FARP1: variants seen among roughly 807,000 people sequenced by gnomAD.
The protein encoded by FARP1 is FERM, ARH/RhoGEF and pleckstrin domain protein 1.
Under a neutral mutation model 128.8 loss-of-function variants are expected in FARP1, and 52 were observed. The ratio of observed to expected loss-of-function variants is 0.40; its 90% CI spans 0.32 to 0.51. The LOEUF is 0.51. FARP1 is among the 20% of genes least tolerant of loss of function. The pLI is 0.45. For missense variants in FARP1, 1,333 were observed against 1,367.9 expected, an observed-to-expected ratio of 0.97 and a Z score of 0.40; for synonymous variants, 580 against 551.8, an observed-to-expected ratio of 1.05 and a Z score of -0.72.
chr13:98,236,420 G>A (rs754459467), intron 2 of FARP1, among the ~76,000 whole-genome samples: 27 of 152,080 alleles, frequency 1.8e-4, no homozygotes, highest in Admixed American at 1.3e-3. Context: ...ATGCATAGAC[G>A]TTGCCAACAT....
At chr13:98,238,058 A>G (rs1882531548) in intron 2 of FARP1, among the ~76,000 whole-genome samples, 1 of 152,184 alleles carries the variant, frequency 6.6e-6, no homozygotes, top group Non-Finnish European at 1.5e-5. Context: ...AAAGCTGGAG[A>G]ATGTCATGCC....
intron 2 of FARP1, among the ~76,000 whole-genome samples, chr13:98,316,128 C>T (rs1272504365): frequency 6.6e-6 from 1 of 152,114 alleles, no homozygotes; most frequent in Non-Finnish European, 1.5e-5. Flanking sequence ...CTGCAGGCTG[C>T]TCTCATTCAG....
chr13:98,226,298 C>T lies in FARP1; in HGVS notation c.171+12885C>T, dbSNP rs537710186. Among the ~76,000 whole-genome samples, 27 of 152,278 alleles carry T rather than the reference C, an allele frequency of 1.8e-4. 1 individual carries two copies. The South Asian group carries it at 3.7e-3, about 21-fold the overall frequency. ...TATAGATACATTGCCTCTGTCTCTG[C>T]GGTCATCTTCACGTGATTTTCTTGC... On this transcript the variant is annotated intron_variant, in intron 2 of 26. Transcript: ENST00000319562.
At chr13:98,148,439 A>G (rs4771293) in intron 1 of FARP1, among the ~76,000 whole-genome samples, 42,612 of 152,034 alleles carry the variant, frequency 0.28, 6,068 homozygotes, top group Middle Eastern at 0.4. Context: ...AAATCCTGCC[A>G]CCTGTTACTG....
chr13:98,157,961 A>G (rs980696074), intron 1 of FARP1, among the ~76,000 whole-genome samples: 2 of 152,176 alleles, frequency 1.3e-5, no homozygotes, highest in Admixed American at 6.5e-5. Flanking sequence ...CTCTTCCTTG[A>G]TCCTCCTGTG....
chr13:98,440,956 G>A (rs960133422), intron 24 of FARP1, 120 bp downstream of exon 24: 14 of 990,382 alleles, frequency 1.4e-5, no homozygotes, highest in South Asian at 2.9e-5. Context: ...ACCTACCCGC[G>A]GTGGCTGAGC....
chr13:98,350,532 C>T (rs958081037), intron 3 of FARP1, among the ~76,000 whole-genome samples: 5 of 152,104 alleles, frequency 3.3e-5, no homozygotes, highest in Non-Finnish European at 5.9e-5. Flanking sequence ...AGGCTTCACT[C>T]TTGCTGTTGA....
intron 1 of FARP1, among the ~76,000 whole-genome samples, chr13:98,211,686 A>T (rs570949598): frequency 6.6e-6 from 1 of 152,192 alleles, no homozygotes; most frequent in Admixed American, 6.5e-5. Flanking sequence ...GTATTTTCCA[A>T]CATTTGAGAC....
intron 2 of FARP1, among the ~76,000 whole-genome samples, chr13:98,238,430 C>T (rs1205654796): frequency 2.6e-5 from 4 of 152,022 alleles, no homozygotes; most frequent in South Asian, 2.1e-4. Flanking sequence ...ATGTGTTAAT[C>T]GACTGTATTC....
chr13:98,340,917 C>T (rs980253580), intron 2 of FARP1: 1 of 152,138 alleles, frequency 6.6e-6, no homozygotes, highest in Non-Finnish European at 1.5e-5. Context: ...GCTCTCCTGA[C>T]CCATTTCCTC....
At position 98,152,290 on chromosome 13, in the gene FARP1, A is replaced by G. The variant is rs530345227; in HGVS notation, c.-24+8798A>G. Among the ~76,000 whole-genome samples the G allele has an allele frequency of 1.7e-4, 26 of 152,292 alleles. No individual in the cohort carries two copies. The South Asian group carries it at 5.4e-3, about 32-fold the overall frequency. On this transcript the variant is annotated intron_variant, in intron 1 of 26. Coordinates refer to ENST00000319562, the MANE Select transcript of FARP1 (RefSeq NM_005766.4). ...AATGGCAGTTGCAGCTCCAAGCTTC[A>G]TACTCTCACACATTTGTTGTTACTA...
chr13:98,347,470 C>T (rs58651135), intron 3 of FARP1, among the ~76,000 whole-genome samples: 126 of 152,240 alleles, frequency 8.3e-4, no homozygotes, highest in East Asian at 7.1e-3. Context: ...ACTTTAGACA[C>T]GTCATCAAGT....
chr13:98,304,815 C>A (rs552811031), intron 2 of FARP1, among the ~76,000 whole-genome samples: 2 of 152,206 alleles, frequency 1.3e-5, no homozygotes. Flanking sequence ...GGCATAAATT[C>A]ATGCATAGAA....
intron 1 of FARP1, among the ~76,000 whole-genome samples, chr13:98,212,735 C>T (rs773407643): frequency 1.3e-5 from 2 of 152,176 alleles, no homozygotes; most frequent in South Asian, 2.1e-4. Context: ...TGTATGTCTG[C>T]GAGTGTATGT....
At chr13:98,182,531 T>C (rs1878606154) in intron 1 of FARP1, among the ~76,000 whole-genome samples, 1 of 152,100 alleles carries the variant, frequency 6.6e-6, no homozygotes, top group African/African-American at 2.4e-5. Context: ...CTCGCCATAT[T>C]GCCCAGGCTG....
At chr13:98,200,359 C>T (rs1478672671) in intron 1 of FARP1, among the ~76,000 whole-genome samples, 1 of 149,002 alleles carries the variant, frequency 6.7e-6, no homozygotes, top group Admixed American at 6.8e-5. Context: ...CCAGAGCCTG[C>T]ATCAGAATCA....
At chr13:98,354,980 T>A (rs1236996440) in intron 3 of FARP1, among the ~76,000 whole-genome samples, 2 of 152,240 alleles carry the variant, frequency 1.3e-5, no homozygotes, top group Non-Finnish European at 2.9e-5. Flanking sequence ...ATCATGTTTT[T>A]ATACTGATTA....
In FARP1 at chr13:98,448,441, TCTC is replaced by T. The variant is rs1278757101; in HGVS notation, c.*127_*129del. On this transcript the variant is annotated 3_prime_UTR_variant, in exon 27 of 27. Transcript: ENST00000319562. The stretch of plus-strand genomic sequence containing the variant: ...ATCAAAAACATGGCTTCCCAGCAGC[TCTC>T]CTGTCTCCACAGCCGCGTTTTTTAA... 2 of 785,548 alleles carry T rather than the reference TCTC, an allele frequency of 2.5e-6. No homozygotes were observed. Among genetic ancestry groups the T allele is most frequent in the Admixed American group, 2.1e-5 (1 of 46,804 alleles). 48.7% of individuals were successfully genotyped at this position (785,548 alleles called of 1,614,324 possible).
At position 98,421,432 on chromosome 13, in the gene FARP1, C is replaced by A. The variant is rs541216916; in HGVS notation, c.1827-3140C>A. On this transcript the variant is annotated intron_variant, in intron 16 of 26. Coordinates refer to ENST00000319562, the MANE Select transcript of FARP1 (RefSeq NM_005766.4). ...GTTACTGATGGAAGCCAGAATCCTC[C>A]CCATTTCTTCTCCCGCAATCCAGAC... Among the ~76,000 whole-genome samples the A allele has an allele frequency of 2.0e-5, 3 of 152,278 alleles. No individual in the cohort carries two copies. The South Asian group carries it at 6.2e-4, about 32-fold the overall frequency.
Sources: allele counts gnomAD v4.1 joint callset (sites outside exome capture counted in the v4.1 genomes callset), GRCh38; gene constraint gnomAD v4.1.1; transcripts MANE v1.5; gene names NCBI Gene and HGNC (gene_info 2026-07-23, HGNC 2026-07-21).